Variants in CYP2J2 observed in about 807,000 individuals in gnomAD.
The protein encoded by CYP2J2 is cytochrome P450 2J2.
Under a neutral mutation model 48.8 loss-of-function variants are expected in CYP2J2, and 41 were observed. That is an observed-to-expected ratio of 0.84 (90% confidence interval 0.66 to 1.09). The LOEUF (loss-of-function observed/expected upper bound fraction) is 1.09, where lower values mean the gene tolerates loss of function less well. Among genes scored for constraint, CYP2J2 ranks in the 50% least tolerant of loss-of-function variants. The pLI is 0.00. For synonymous variants in CYP2J2, 221 were observed against 227.1 expected (o/e 0.97, Z 0.24); for missense variants, 644 against 617.3 (o/e 1.04, Z -0.46).
At chr1:59,955,565 C>A in the CYP2J2 span, among the ~76,000 whole-genome samples, 4 of 151,870 alleles carry the variant, frequency 2.6e-5, no homozygotes, top group African/African-American at 9.7e-5. Flanking sequence ...AAAATAGCAA[C>A]CATACAGTGA....
In CYP2J2 at chr1:59,893,632, CCTTT is replaced by C; in HGVS notation, c.*15_*18del. On this transcript the variant is annotated 3_prime_UTR_variant, in exon 9 of 9. Coordinates refer to ENST00000371204, the MANE Select transcript of CYP2J2 (RefSeq NM_000775.4). ...GCCATGTCTTCTTACTTTCCTTGCCCCTTTCTTTCTTAACAATATTACACCTGAG... is the reference window on the plus strand; with the variant it reads ...GCCATGTCTTCTTACTTTCCTTGCCCCTTTCTTAACAATATTACACCTGAG... The C allele has an allele frequency of 6.4e-7, 1 of 1,561,190 alleles. No homozygotes were observed. Among genetic ancestry groups the C allele is most frequent in the Non-Finnish European group, 8.7e-7 (1 of 1,150,228 alleles).
the CYP2J2 span, among the ~76,000 whole-genome samples, chr1:59,966,390 T>C: frequency 6.6e-6 from 1 of 152,208 alleles, no homozygotes; most frequent in South Asian, 2.1e-4. Context: ...TTTTATGGGA[T>C]TGTCAAGCAA....
chr1:59,934,112 G>A, the CYP2J2 span, among the ~76,000 whole-genome samples: 5 of 152,146 alleles, frequency 3.3e-5, no homozygotes, highest in African/African-American at 9.6e-5. Flanking sequence ...TCTTCAACAA[G>A]GATATCAATA....
chr1:59,905,174 G>A, intron 6 of CYP2J2, 116 bp from the exon 7 acceptor site: 1 of 1,043,162 alleles, frequency 9.6e-7, no homozygotes, highest in Non-Finnish European at 1.4e-6. Flanking sequence ...CAGGTTGCAA[G>A]AAATAAAATG....
chr1:59,900,389 T>A (rs772928989), intron 8 of CYP2J2, among the ~76,000 whole-genome samples: 1 of 152,152 alleles, frequency 6.6e-6, no homozygotes, highest in East Asian at 1.9e-4. Flanking sequence ...CACTTTGGCT[T>A]TGGGAGGCCG....
At chr1:59,905,463 C>T (rs904795914) in intron 6 of CYP2J2, among the ~76,000 whole-genome samples, 5 of 152,184 alleles carry the variant, frequency 3.3e-5, no homozygotes, top group African/African-American at 9.7e-5. Flanking sequence ...CTCCCAAAGG[C>T]CCCACCTCCT....
the CYP2J2 span, among the ~76,000 whole-genome samples, chr1:59,957,705 A>ACAC: frequency 7.2e-3 from 1,081 of 150,662 alleles, 12 homozygotes; most frequent in African/African-American, 0.025. Context: ...CACACACACC[A>ACAC]CACACACACA....
chr1:59,947,449 A>C, the CYP2J2 span, among the ~76,000 whole-genome samples: 3 of 152,230 alleles, frequency 2.0e-5, no homozygotes, highest in Non-Finnish European at 4.4e-5. Flanking sequence ...TGGAGAGCTT[A>C]GGTGAAATCT....
intron 6 of CYP2J2, among the ~76,000 whole-genome samples, 164 bp downstream of exon 6, chr1:59,907,622 A>C (rs1163927415): frequency 6.6e-6 from 1 of 152,170 alleles, no homozygotes; most frequent in East Asian, 1.9e-4. Context: ...ATCACAATTC[A>C]GACAGAAAAT....
chr1:59,943,385 C>T, the CYP2J2 span, among the ~76,000 whole-genome samples: 13,428 of 152,222 alleles, frequency 0.088, 765 homozygotes, highest in South Asian at 0.21. Context: ...AAGTACAACT[C>T]GTCCTCACCC....
At chr1:59,898,312 T>C (rs773045194) in intron 8 of CYP2J2, among the ~76,000 whole-genome samples, 12 of 152,154 alleles carry the variant, frequency 7.9e-5, no homozygotes, top group Non-Finnish European at 1.8e-4. Context: ...ATTCTCCCTC[T>C]TTTGACCTTA....
chr1:59,921,355 T>C (rs1313393564), intron 1 of CYP2J2, among the ~76,000 whole-genome samples: 3 of 152,166 alleles, frequency 2.0e-5, no homozygotes, highest in Admixed American at 6.5e-5. Flanking sequence ...CAATGCCAGG[T>C]TGGGCTGCCA....
the CYP2J2 span, among the ~76,000 whole-genome samples, chr1:59,957,055 GC>G: frequency 1.3e-5 from 2 of 152,192 alleles, no homozygotes; most frequent in South Asian, 4.1e-4. Context: ...GACTAAAACT[GC>G]ATGACAGAGC....
At chr1:59,962,244 T>C in the CYP2J2 span, among the ~76,000 whole-genome samples, 7 of 152,192 alleles carry the variant, frequency 4.6e-5, no homozygotes, top group African/African-American at 1.7e-4. Flanking sequence ...CTGAAGGATA[T>C]GTTGCATTGA....
the CYP2J2 span, among the ~76,000 whole-genome samples, chr1:59,966,836 C>T: frequency 4.5e-3 from 692 of 152,264 alleles, 3 homozygotes; most frequent in Non-Finnish European, 8.0e-3. Flanking sequence ...AATTTTCACC[C>T]ATATCACTAA....
chr1:59,893,929 GGAAGGGCCTGT>G (rs1644247016), intron 8 of CYP2J2, 100 bp from the exon 9 acceptor site: 1 of 1,215,816 alleles, frequency 8.2e-7, no homozygotes, highest in African/African-American at 1.5e-5. Flanking sequence ...ATGGAGCAGA[GGAAGGGCCTGT>G]AGGCCCCAGG....
the CYP2J2 span, among the ~76,000 whole-genome samples, chr1:59,948,415 C>T: frequency 6.6e-6 from 1 of 152,116 alleles, no homozygotes; most frequent in Non-Finnish European, 1.5e-5. Flanking sequence ...GCAGCATGCA[C>T]CAACAACATA....
chr1:59,911,813 T>C, intron 3 of CYP2J2, 45 bp from the exon 4 acceptor site: 1 of 1,580,326 alleles, frequency 6.3e-7, no homozygotes, highest in Non-Finnish European at 8.6e-7. Context: ...GATGGATTTG[T>C]CTCCATTTCC....
chr1:59,896,629 C>G (rs371950420), intron 8 of CYP2J2, among the ~76,000 whole-genome samples: 1 of 152,032 alleles, frequency 6.6e-6, no homozygotes, highest in Admixed American at 6.6e-5. Flanking sequence ...GCTTCCACCA[C>G]CCCCTCCCCT....
Sources: allele counts gnomAD v4.1 joint callset (sites outside exome capture counted in the v4.1 genomes callset), GRCh38; gene constraint gnomAD v4.1.1; transcripts MANE v1.5; gene names NCBI Gene and HGNC (gene_info 2026-07-23, HGNC 2026-07-21).